Variants in LCP2 observed in about 807,000 individuals in gnomAD.
LCP2 encodes the protein 76 kDa tyrosine phosphoprotein.
Under a neutral mutation model 74.5 loss-of-function variants are expected in LCP2, and 29 were observed. That is an observed-to-expected ratio of 0.39 (90% CI 0.29 to 0.53). The LOEUF is 0.53. Among genes scored for constraint, LCP2 ranks in the 20% least tolerant of loss-of-function variants. The pLI, the probability that LCP2 is intolerant of heterozygous loss-of-function variation, is 0.72. For synonymous variants in LCP2, 228 were observed against 229.5 expected (o/e 0.99, Z 0.06); for missense variants, 604 against 634.6 (o/e 0.95, Z 0.52).
At chr5:170,296,798 A>G (rs1428480071) in intron 1 of LCP2, among the ~76,000 whole-genome samples, 2 of 152,176 alleles carry the variant, frequency 1.3e-5, no homozygotes, top group Non-Finnish European at 2.9e-5. Flanking sequence ...GCACCGCCAC[A>G]AGCCTCTTTT....
Position 170,249,380 on chromosome 5 carries a change from A to ATATATATC in LCP2, c.1480-562_1480-561insGATATATA, listed in dbSNP as rs57880741. Among the ~76,000 whole-genome samples the ATATATATC allele has an allele frequency of 1.4e-3, 207 of 148,018 alleles. 1 individual carries two copies. Among genetic ancestry groups the ATATATATC allele is most frequent in the African/African-American group, 3.4e-3 (135 of 40,222 alleles). ...TGCGTGTGTATATATATATATATATATCTACATATCTATATATATATATAT... is the reference window on the plus strand; with the variant it reads ...TGCGTGTGTATATATATATATATATATATATATCTCTACATATCTATATATATATATAT... On this transcript the variant is annotated intron_variant, in intron 20 of 20. Coordinates refer to ENST00000046794, the MANE Select transcript of LCP2 (RefSeq NM_005565.5).
intron 13 of LCP2, 141 bp from the exon 14 acceptor site, chr5:170,261,278 C>T: frequency 1.5e-6 from 1 of 665,394 alleles, no homozygotes; most frequent in Non-Finnish European, 2.7e-6. Flanking sequence ...CAGACCCCCA[C>T]AGAGCAGGGG....
chr5:170,280,016 T>C (rs1250960708), intron 3 of LCP2, among the ~76,000 whole-genome samples: 1 of 151,772 alleles, frequency 6.6e-6, no homozygotes, highest in East Asian at 1.9e-4. Flanking sequence ...GAATAGAAAA[T>C]ATCAGTGCAC....
intron 3 of LCP2, 34 bp downstream of exon 3, chr5:170,287,936 C>G: frequency 6.2e-7 from 1 of 1,603,390 alleles, no homozygotes; most frequent in Admixed American, 1.7e-5. Flanking sequence ...CACCTCTGCT[C>G]CCAGATCACC....
chr5:170,294,758 G>T (rs1039908619), intron 1 of LCP2, among the ~76,000 whole-genome samples: 2 of 152,142 alleles, frequency 1.3e-5, no homozygotes, highest in African/African-American at 2.4e-5. Context: ...TACAGGCAGT[G>T]GGGGGTAAGT....
In LCP2 at chr5:170,262,868, G is replaced by A; in HGVS notation, c.799-7C>T. 2 of 1,614,040 alleles carry A rather than the reference G, an allele frequency of 1.2e-6. No homozygotes were observed. Among genetic ancestry groups the A allele is most frequent in the Non-Finnish European group, 1.7e-6 (2 of 1,179,888 alleles). ...TTCCCGCTGGAATCGAGGGCTGCAA[G>A]ACAGGAGGAAAAATGTATGAGTGTC... is the stretch of plus-strand genomic sequence containing the variant. On this transcript the variant is annotated splice_polypyrimidine_tract_variant and splice_region_variant and intron_variant, in intron 11 of 20. Transcript: ENST00000046794.
chr5:170,257,030 T>C (rs183493120), intron 16 of LCP2, among the ~76,000 whole-genome samples: 3 of 151,970 alleles, frequency 2.0e-5, no homozygotes, highest in Non-Finnish European at 4.4e-5. Context: ...GCATGTTAGG[T>C]GGGCTCTGCA....
chr5:170,252,558 A>G (rs1359396252), intron 18 of LCP2, 47 bp from the exon 19 acceptor site: 4 of 954,898 alleles, frequency 4.2e-6, no homozygotes, highest in Non-Finnish European at 6.5e-6. Context: ...ACAGTTACAG[A>G]TGTAAGTGAA....
At chr5:170,271,401 A>C (rs1374451981) in intron 6 of LCP2, among the ~76,000 whole-genome samples, 1 of 152,140 alleles carries the variant, frequency 6.6e-6, no homozygotes, top group Admixed American at 6.5e-5. Context: ...GGGGAAAAAC[A>C]GATAAACAAA....
At chr5:170,270,954 A>G (rs765331116) in intron 6 of LCP2, 37 bp from the exon 7 acceptor site, 7 of 1,559,174 alleles carry the variant, frequency 4.5e-6, no homozygotes, top group Non-Finnish European at 6.1e-6. Flanking sequence ...CAGTTTGTAG[A>G]GGCTCTGTGG....
Position 170,275,914 on chromosome 5 carries a change from T to TC in LCP2, c.189-55dup, listed in dbSNP as rs1472164847. 2.1e-6 allele frequency: 3 copies of TC among 1,450,934 alleles called. No homozygotes were observed. In the East Asian group the frequency reaches 7.4e-5, roughly 36 times the overall value. The allele number at this position is 1,450,934 out of a possible 1,614,324, so 89.9% of individuals were successfully genotyped here. On this transcript the variant is annotated intron_variant, in intron 3 of 20. Transcript: ENST00000046794. ...TAAAACCATCACTCAGTCTCAACCT[T>TC]CCCCCTGACCCTTGATATCCCCTGG...
intron 19 of LCP2, 160 bp from the exon 20 acceptor site, chr5:170,251,045 C>T: frequency 1.7e-6 from 1 of 592,742 alleles, no homozygotes; most frequent in Non-Finnish European, 3.0e-6. Context: ...ATTCAGTTCT[C>T]CAAACAGCTA....
intron 7 of LCP2, among the ~76,000 whole-genome samples, chr5:170,269,186 A>G (rs1761844377): frequency 1.3e-5 from 2 of 152,140 alleles, no homozygotes. Flanking sequence ...TCGAGCAGAA[A>G]CTCACATTAT....
chr5:170,251,560 T>C (rs1761443385), intron 19 of LCP2: 1 of 447,622 alleles, frequency 2.2e-6, no homozygotes, highest in South Asian at 1.6e-5. Flanking sequence ...TCCTTTAAAC[T>C]ACTCCCTTCT....
chr5:170,270,977 C>T, intron 6 of LCP2, 60 bp from the exon 7 acceptor site: 1 of 1,422,062 alleles, frequency 7.0e-7, no homozygotes, highest in Non-Finnish European at 9.6e-7. Context: ...CTCGATGTGC[C>T]TGTGCCTACT....
intron 1 of LCP2, among the ~76,000 whole-genome samples, chr5:170,297,005 A>T (rs1581080244): frequency 6.6e-6 from 1 of 151,898 alleles, no homozygotes; most frequent in Non-Finnish European, 1.5e-5. Context: ...CAGCCCTCCC[A>T]CCCTGCCTAT....
At position 170,261,050 on chromosome 5, in the gene LCP2, G is replaced by A. The variant is rs576185124; in HGVS notation, c.957+57C>T. ...GGTGGATGGAGTCCCAACCTCCTAA[G>A]AGCCTATGCTTCTTTTCCCTGTATC... On this transcript the variant is annotated intron_variant, in intron 14 of 20. Transcript: ENST00000046794. The A allele has an allele frequency of 2.2e-5, 30 of 1,345,728 alleles. No homozygotes were observed. In the African/African-American group the frequency reaches 3.4e-4, roughly 15 times the overall value. 83.4% of individuals were successfully genotyped at this position (1,345,728 alleles called of 1,614,324 possible). A position where few individuals can be genotyped will look rare whatever the true frequency, so the allele number is the denominator to read the frequency against.
At chr5:170,290,504 C>T (rs315724) in intron 2 of LCP2, among the ~76,000 whole-genome samples, 63,070 of 152,000 alleles carry the variant, frequency 0.41, 13,310 homozygotes, top group African/African-American at 0.48. Context: ...GTTACTACTT[C>T]CCTGGAAAAA....
In LCP2 at chr5:170,272,597, C is replaced by CTTTTTTTTTTTTTTTTTTTTTT. The variant is rs61463939; in HGVS notation, c.324+1682_325-1681dup. On this transcript the variant is annotated intron_variant, in intron 6 of 20. Transcript: ENST00000046794. ...ATAACTGTAACCCATCAAATATTTT[C>CTTTTTTTTTTTTTTTTTTTTTT]TTTTTTTTTTTTTTTTTTTTTTTTT... 6.2e-4 allele frequency among the ~76,000 whole-genome samples: 25 copies of CTTTTTTTTTTTTTTTTTTTTTT among 40,356 alleles called. 9 individuals are homozygous for CTTTTTTTTTTTTTTTTTTTTTT. The highest frequency in any genetic ancestry group is 2.9e-3 in the South Asian group (2 of 700). 26.5% of individuals were successfully genotyped at this position (40,356 alleles called of 152,430 possible). A position where few individuals can be genotyped will look rare whatever the true frequency, so the allele number is the denominator to read the frequency against.
Sources: allele counts gnomAD v4.1 joint callset (sites outside exome capture counted in the v4.1 genomes callset), GRCh38; gene constraint gnomAD v4.1.1; transcripts MANE v1.5; gene names NCBI Gene and HGNC (gene_info 2026-07-23, HGNC 2026-07-21).